Variants in N4BP2L2 observed in about 807,000 individuals in gnomAD.
The protein encoded by N4BP2L2 is NEDD4-binding protein 2-like 2.
Under a neutral mutation model 56.2 loss-of-function variants are expected in N4BP2L2, and 50 were observed. The ratio of observed to expected loss-of-function variants is 0.89; its 90% CI spans 0.71 to 1.13. The LOEUF (loss-of-function observed/expected upper bound fraction) is 1.13, where lower values mean the gene tolerates loss of function less well. Among genes scored for constraint, N4BP2L2 ranks in the 50% most tolerant of loss-of-function variants. The pLI, the probability that N4BP2L2 is intolerant of heterozygous loss-of-function variation, is 0.00. For missense variants in N4BP2L2, 689 were observed against 693.8 expected, an observed-to-expected ratio of 0.99 and a Z score of 0.08; for synonymous variants, 203 against 223.6, an observed-to-expected ratio of 0.91 and a Z score of 0.82.
At chr13:32,490,871 G>A (rs2086909576) in intron 6 of N4BP2L2, among the ~76,000 whole-genome samples, 2 of 152,080 alleles carry the variant, frequency 1.3e-5, no homozygotes, top group African/African-American at 4.8e-5. Context: ...CTCCTGCTGT[G>A]CAGCCCAGTT....
intron 6 of N4BP2L2, among the ~76,000 whole-genome samples, chr13:32,469,624 G>A (rs755550359): frequency 1.3e-5 from 2 of 152,224 alleles, no homozygotes; most frequent in Non-Finnish European, 2.9e-5. Flanking sequence ...TGTCGGCAGC[G>A]TCTGGGGGGT....
At chr13:32,526,992 A>G (rs2053191183) in intron 3 of N4BP2L2, 1 of 152,528 alleles carries the variant, frequency 6.6e-6, no homozygotes, top group African/African-American at 2.4e-5. Context: ...AAAACTTTTA[A>G]TATTCACAAC....
chr13:32,520,621 T>A (rs1233434089), intron 5 of N4BP2L2, among the ~76,000 whole-genome samples: 1 of 147,110 alleles, frequency 6.8e-6, no homozygotes, highest in South Asian at 2.1e-4. Context: ...ATTGCACCAC[T>A]GCACTCCAGC....
At chr13:32,514,442 T>C (rs986393470) in exon 6 of N4BP2L2, 16 of 152,228 alleles carry the variant, frequency 1.1e-4, no homozygotes, top group Non-Finnish European at 4.4e-5. Context: ...TACTCCATCT[T>C]AGGTAAATAT....
intron 9 of N4BP2L2, among the ~76,000 whole-genome samples, chr13:32,434,131 C>T (rs556568927): frequency 1.3e-5 from 2 of 151,246 alleles, no homozygotes; most frequent in African/African-American, 4.8e-5. Flanking sequence ...GGCTGGAGTG[C>T]AGTGGTGCGA....
exon 6 of N4BP2L2, chr13:32,510,299 G>A (rs1489652488): frequency 6.6e-6 from 1 of 151,870 alleles, no homozygotes; most frequent in Non-Finnish European, 1.5e-5. Flanking sequence ...ACATAATTTA[G>A]CAATCCATTT....
rs377648693 is a variant in N4BP2L2, at chr13:32,459,618, A to G, written c.366-15492T>C. On this transcript the variant is annotated intron_variant, in intron 6 of 9. Transcript: ENST00000357505. ...CTGAACAGACCAATAATGAGTTATGAGATTGGATCAGTAATAAAAACTCTC... is the reference window on the plus strand; with the variant it reads ...CTGAACAGACCAATAATGAGTTATGGGATTGGATCAGTAATAAAAACTCTC... Among the ~76,000 whole-genome samples, 4 of 152,262 alleles carry G rather than the reference A, an allele frequency of 2.6e-5. No homozygotes were observed. In the East Asian group the frequency reaches 7.7e-4, roughly 29 times the overall value.
At chr13:32,454,575 T>C (rs1210126294) in intron 6 of N4BP2L2, among the ~76,000 whole-genome samples, 1 of 152,160 alleles carries the variant, frequency 6.6e-6, no homozygotes. Context: ...AGCCTAGACA[T>C]TGGACTTATT....
At chr13:32,532,865 A>C (rs2055315543) in intron 2 of N4BP2L2, among the ~76,000 whole-genome samples, 1 of 149,760 alleles carries the variant, frequency 6.7e-6, no homozygotes, top group Non-Finnish European at 1.5e-5. Context: ...CTGGGATCAC[A>C]GGGGTGAGCC....
chr13:32,480,971 T>C (rs1423866751), intron 6 of N4BP2L2, among the ~76,000 whole-genome samples: 1 of 151,332 alleles, frequency 6.6e-6, no homozygotes, highest in African/African-American at 2.4e-5. Context: ...ATACAAAAAT[T>C]AGCCAGAAAT....
At chr13:32,535,531 C>T (rs750020151) in intron 2 of N4BP2L2, among the ~76,000 whole-genome samples, 3 of 152,134 alleles carry the variant, frequency 2.0e-5, no homozygotes, top group South Asian at 2.1e-4. Context: ...AACATAAAAG[C>T]ACTTGTCAGT....
intron 6 of N4BP2L2, among the ~76,000 whole-genome samples, chr13:32,462,944 G>A (rs1164546157): frequency 6.6e-6 from 1 of 151,112 alleles, no homozygotes; most frequent in Non-Finnish European, 1.5e-5. Flanking sequence ...ACGGGAGGCT[G>A]AGGCAGGAGA....
At chr13:32,478,508 G>A (rs2083844292) in intron 6 of N4BP2L2, 1 of 155,640 alleles carries the variant, frequency 6.4e-6, no homozygotes, top group African/African-American at 2.4e-5. Context: ...CACCACAGAA[G>A]CTACGGGAGA....
intron 6 of N4BP2L2, chr13:32,477,678 C>A: frequency 5.7e-6 from 2 of 349,460 alleles, no homozygotes; most frequent in South Asian, 2.4e-5. Context: ...ATCAGAAAAC[C>A]GTTTGTTCAG....
chr13:32,501,238 C>T (rs1159110379), intron 6 of N4BP2L2, among the ~76,000 whole-genome samples: 1 of 152,024 alleles, frequency 6.6e-6, no homozygotes, highest in Non-Finnish European at 1.5e-5. Context: ...CTGAATGAGT[C>T]ATTTCACAGG....
chr13:32,534,011 A>G (rs1211505639), intron 2 of N4BP2L2, among the ~76,000 whole-genome samples: 2 of 152,288 alleles, frequency 1.3e-5, no homozygotes, highest in East Asian at 1.9e-4. Flanking sequence ...GGAAAAACAT[A>G]CTATAATTTT....
At chr13:32,460,937 A>G (rs2079943296) in intron 6 of N4BP2L2, among the ~76,000 whole-genome samples, 3 of 152,214 alleles carry the variant, frequency 2.0e-5, no homozygotes, top group African/African-American at 2.4e-5. Flanking sequence ...AGAACAGAAT[A>G]GAGATCCCAG....
chr13:32,523,414 T>C (rs1297637448), intron 3 of N4BP2L2: 1 of 142,958 alleles, frequency 7.0e-6, no homozygotes, highest in Non-Finnish European at 1.5e-5. Context: ...AGGCCAGGCA[T>C]GGTGGTTCAC....
intron 6 of N4BP2L2, among the ~76,000 whole-genome samples, chr13:32,451,660 A>G (rs1196107475): frequency 6.6e-6 from 1 of 151,344 alleles, no homozygotes; most frequent in African/African-American, 2.4e-5. Context: ...CCCTCACCTC[A>G]GCTTCCCATG....
Sources: gnomAD v4.1 joint callset for allele counts (sites outside exome capture counted in the v4.1 genomes callset) on GRCh38, gnomAD v4.1.1 for gene constraint, MANE v1.5 for transcripts, NCBI Gene and HGNC (gene_info 2026-07-23, HGNC 2026-07-21) for gene names.